CXADR: variants seen among roughly 807,000 people sequenced by gnomAD.
CXADR encodes the protein coxsackievirus and adenovirus receptor.
In CXADR, 20 loss-of-function variants were observed where a neutral mutation model predicts 40.3. The ratio of observed to expected loss-of-function variants is 0.50; its 90% confidence interval spans 0.35 to 0.72. The LOEUF (loss-of-function observed/expected upper bound fraction) is 0.72, where lower values mean the gene tolerates loss of function less well. CXADR is among the 30% of genes least tolerant of loss of function. The pLI, the probability that CXADR is intolerant of heterozygous loss-of-function variation, is 0.01. For synonymous variants in CXADR, 150 were observed against 161.3 expected (o/e 0.93, Z 0.53); for missense variants, 332 against 449.1 (o/e 0.74, Z 2.36).
intron 7 of CXADR, among the ~76,000 whole-genome samples, chr21:17,578,890 G>A (rs1338784748): frequency 6.6e-6 from 1 of 152,140 alleles, no homozygotes; most frequent in Non-Finnish European, 1.5e-5. Flanking sequence ...GAAATCCTAT[G>A]TAAGGTTCAA....
the CXADR span, among the ~76,000 whole-genome samples, chr21:17,615,010 A>G: frequency 2.0e-5 from 3 of 152,336 alleles, no homozygotes; most frequent in East Asian, 1.9e-4. Context: ...GAGAGCTGCT[A>G]TAAACTAAAT....
At chr21:17,606,481 T>C in the CXADR span, among the ~76,000 whole-genome samples, 2 of 152,262 alleles carry the variant, frequency 1.3e-5, no homozygotes, top group African/African-American at 4.8e-5. Context: ...ATTCTAATAT[T>C]GTATAGGGTA....
the CXADR span, among the ~76,000 whole-genome samples, chr21:17,618,486 G>A: frequency 2.0e-4 from 30 of 152,284 alleles, no homozygotes; most frequent in South Asian, 5.4e-3. Flanking sequence ...AGCCATCAGA[G>A]AAATCACTAC....
Position 17,566,579 on chromosome 21 carries a change from A to G in CXADR, c.*887A>G. 1.0e-6 allele frequency: 1 copy of G among 981,478 alleles called. No individual in the cohort carries two copies. The highest frequency in any genetic ancestry group is 1.2e-6 in the Non-Finnish European group (1 of 826,358). The allele number at this position is 981,478 out of a possible 1,614,324, so 60.8% of individuals were successfully genotyped here. A position where few individuals can be genotyped will look rare whatever the true frequency, so the allele number is the denominator to read the frequency against. ...ATTTTTCTTATTAGAAAAATATTAT[A>G]ACTCATTTGTTGTTTGACACTTATA... is the stretch of plus-strand genomic sequence containing the variant. On this transcript the variant is annotated 3_prime_UTR_variant, in exon 7 of 7. Coordinates refer to ENST00000284878, the MANE Select transcript of CXADR (RefSeq NM_001338.5).
chr21:17,605,597 C>T, the CXADR span, among the ~76,000 whole-genome samples: 1 of 152,310 alleles, frequency 6.6e-6, no homozygotes, highest in African/African-American at 2.4e-5. Flanking sequence ...CATTTAACTT[C>T]TATTTACCCA....
At chr21:17,609,195 A>C in the CXADR span, 1 of 1,572,530 alleles carries the variant, frequency 6.4e-7, no homozygotes, top group Non-Finnish European at 8.6e-7. Flanking sequence ...CAAAATATAA[A>C]AACTGGGAAG....
At chr21:17,605,735 T>C in the CXADR span, among the ~76,000 whole-genome samples, 1 of 152,176 alleles carries the variant, frequency 6.6e-6, no homozygotes, top group Non-Finnish European at 1.5e-5. Context: ...AAATAAAAAA[T>C]ATGCATTCTG....
At chr21:17,572,458 T>G (rs1378118209), downstream of CXADR, among the ~76,000 whole-genome samples, 2 of 152,054 alleles carry the variant, frequency 1.3e-5, no homozygotes, top group Non-Finnish European at 2.9e-5. Context: ...AGAGTTAACT[T>G]GCGCAAATAC....
At chr21:17,594,338 G>A, downstream of CXADR, 2 of 1,611,700 alleles carry the variant, frequency 1.2e-6, no homozygotes, top group African/African-American at 2.7e-5. Flanking sequence ...GAAATCTGTA[G>A]GGAAGAGAAC....
At chr21:17,582,967 G>A (rs141822408) in intron 7 of CXADR, among the ~76,000 whole-genome samples, 132 of 152,218 alleles carry the variant, frequency 8.7e-4, no homozygotes, top group African/African-American at 3.1e-3. Flanking sequence ...ATAATTTTTT[G>A]GGAACAGGAG....
chr21:17,516,672 C>T (rs1004827307), intron 1 of CXADR, among the ~76,000 whole-genome samples: 2 of 152,088 alleles, frequency 1.3e-5, no homozygotes, highest in African/African-American at 4.8e-5. Flanking sequence ...AATGGGGATC[C>T]TGGAGCAGGT....
intron 1 of CXADR, among the ~76,000 whole-genome samples, chr21:17,531,269 A>G (rs2060671535): frequency 6.6e-6 from 1 of 151,422 alleles, no homozygotes; most frequent in African/African-American, 2.4e-5. Context: ...ATTGCACTCT[A>G]GCCTGGGCGA....
In CXADR at chr21:17,542,001, A is replaced by G. The variant is rs544204221; in HGVS notation, c.44-5026A>G. On this transcript the variant is annotated intron_variant, in intron 1 of 6. Transcript: ENST00000284878. Reference sequence around the variant, plus strand: ...TCATAGCTTTCAGCACCAATTTTCAATATTTTGCCTGAAACAATTATTACT... The same window carrying G: ...TCATAGCTTTCAGCACCAATTTTCAGTATTTTGCCTGAAACAATTATTACT... The G allele has an allele frequency of 1.2e-4, 45 of 367,926 alleles. No individual in the cohort carries two copies. The East Asian group carries it at 2.3e-3, about 19-fold the overall frequency. The allele number at this position is 367,926 out of a possible 1,614,324, so 22.8% of individuals were successfully genotyped here.
rs1757690103 is a variant in CXADR at position 17,513,118 on chromosome 21, A to C, written c.-12A>C. 1 of 1,353,398 alleles carries C rather than the reference A, an allele frequency of 7.4e-7. No individual in the cohort carries two copies. The highest frequency in any genetic ancestry group is 3.9e-5 in the Admixed American group (1 of 25,436). The allele number at this position is 1,353,398 out of a possible 1,614,324, so 83.8% of individuals were successfully genotyped here. A position where few individuals can be genotyped will look rare whatever the true frequency, so the allele number is the denominator to read the frequency against. On this transcript the variant is annotated 5_prime_UTR_variant, in exon 1 of 7. Coordinates refer to ENST00000284878, the MANE Select transcript of CXADR (RefSeq NM_001338.5). ...CCTACCTGCAGCCGCCGCCCACGGC[A>C]CGGCAGCCACCATGGCGCTCCTGCT...
chr21:17,536,746 A>G (rs1332958666), intron 1 of CXADR, among the ~76,000 whole-genome samples: 27 of 152,034 alleles, frequency 1.8e-4, no homozygotes, highest in Admixed American at 1.8e-3. Flanking sequence ...GCTGACAAGT[A>G]AAGTGCATTA....
Position 17,560,687 on chromosome 21 carries a change from T to G in CXADR, c.572-15T>G. On this transcript the variant is annotated splice_polypyrimidine_tract_variant and intron_variant, in intron 4 of 6. Coordinates refer to ENST00000284878, the MANE Select transcript of CXADR (RefSeq NM_001338.5). ...CTATAAAAATGAGTTTGTTTTCTTT[T>G]TCCTCCTTCCATAGAAATGACTTCA... 2 of 1,608,830 alleles carry G rather than the reference T, an allele frequency of 1.2e-6. No homozygotes were observed. The highest frequency in any genetic ancestry group is 1.7e-5 in the Admixed American group (1 of 59,750).
At chr21:17,518,654 T>G (rs2060491159) in intron 1 of CXADR, 1 of 1,608,780 alleles carries the variant, frequency 6.2e-7, no homozygotes, top group Non-Finnish European at 8.5e-7. Flanking sequence ...TCAGCTAACT[T>G]CCTAAGGCTT....
intron 1 of CXADR, chr21:17,542,958 G>T (rs757517228): frequency 1.2e-5 from 3 of 254,212 alleles, no homozygotes; most frequent in Non-Finnish European, 2.4e-5. Flanking sequence ...GTGAAAAGAG[G>T]CCCTTCAGTG....
At chr21:17,610,384 T>G in the CXADR span, among the ~76,000 whole-genome samples, 1 of 152,200 alleles carries the variant, frequency 6.6e-6, no homozygotes, top group Admixed American at 6.5e-5. Flanking sequence ...TTTCCGAAAG[T>G]ACTCTTTCAG....
Sources: gnomAD v4.1 joint callset for allele counts (sites outside exome capture counted in the v4.1 genomes callset) on GRCh38, gnomAD v4.1.1 for gene constraint, MANE v1.5 for transcripts, NCBI Gene and HGNC (gene_info 2026-07-23, HGNC 2026-07-21) for gene names.